The following NRG1 variants were observed in gnomAD, a reference collection of about 807,000 sequenced individuals.
NRG1 encodes neuregulin 1.
A neutral mutation model predicts 63.8 loss-of-function variants in NRG1; 18 were observed. The observed-to-expected ratio is 0.28, with a 90% CI of 0.19 to 0.42. The LOEUF (loss-of-function observed/expected upper bound fraction) is 0.42. Among genes scored for constraint, NRG1 ranks in the 10% least tolerant of loss-of-function variants. The probability of loss-of-function intolerance (pLI) is 1.00; values close to 1 mark genes in which losing one functional copy is unlikely to be tolerated. For synonymous variants in NRG1, 302 were observed against 301.3 expected, an observed-to-expected ratio of 1.00 and a Z score of -0.02; for missense variants, 762 against 814.7, an observed-to-expected ratio of 0.94 and a Z score of 0.79.
chr8:31,740,965 A>G (rs1815212292), intron 1 of NRG1, among the ~76,000 whole-genome samples: 1 of 152,086 alleles, frequency 6.6e-6, no homozygotes, highest in Non-Finnish European at 1.5e-5. Context: ...CATGGAAATC[A>G]GCCTAGGGCC....
chr8:32,595,935 T>G, exon 2 of NRG1: 1 of 1,614,028 alleles, frequency 6.2e-7, no homozygotes, highest in Non-Finnish European at 8.5e-7. Flanking sequence ...CAGATTCAAG[T>G]GGTTCAAGAA....
chr8:32,355,962 C>T (rs575140326), intron 1 of NRG1, among the ~76,000 whole-genome samples: 11 of 152,004 alleles, frequency 7.2e-5, no homozygotes, highest in Admixed American at 1.3e-4. Flanking sequence ...TGTGCACGTG[C>T]GCGTGTGTGT....
At chr8:32,610,863 G>A (rs1846257538) in intron 3 of NRG1, among the ~76,000 whole-genome samples, 1 of 152,220 alleles carries the variant, frequency 6.6e-6, no homozygotes, top group South Asian at 2.1e-4. Context: ...TAACTTATGA[G>A]TGAATTCCTT....
At chr8:32,558,934 G>A (rs1235199984) in intron 1 of NRG1, among the ~76,000 whole-genome samples, 1 of 151,730 alleles carries the variant, frequency 6.6e-6, no homozygotes, top group Non-Finnish European at 1.5e-5. Flanking sequence ...CAAAAAGTTA[G>A]CCGGGCAAGG....
chr8:32,648,542 G>A (rs962935126), intron 5 of NRG1, among the ~76,000 whole-genome samples: 1 of 152,128 alleles, frequency 6.6e-6, no homozygotes, highest in Non-Finnish European at 1.5e-5. Flanking sequence ...TTGAAGGGCC[G>A]AGTAAAATGA....
chr8:31,852,052 AG>A (rs1827289825), intron 1 of NRG1, among the ~76,000 whole-genome samples: 2 of 150,228 alleles, frequency 1.3e-5, no homozygotes, highest in African/African-American at 4.9e-5. Flanking sequence ...TATTGTGAAT[AG>A]TGCCGCAATA....
intron 1 of NRG1, among the ~76,000 whole-genome samples, chr8:31,819,254 A>C (rs1484953696): frequency 7.4e-6 from 1 of 134,654 alleles, no homozygotes; most frequent in Admixed American, 7.2e-5. Flanking sequence ...AATAAAATAA[A>C]TTCGGAAAGA....
intron 1 of NRG1, among the ~76,000 whole-genome samples, chr8:32,327,699 A>C (rs1802171369): frequency 6.6e-6 from 1 of 152,198 alleles, no homozygotes; most frequent in Admixed American, 6.5e-5. Context: ...TCTAGGAAGC[A>C]CAGTGGAATT....
At chr8:32,299,279 A>C (rs1434917912) in intron 1 of NRG1, among the ~76,000 whole-genome samples, 1 of 152,142 alleles carries the variant, frequency 6.6e-6, no homozygotes, top group Non-Finnish European at 1.5e-5. Context: ...TAAAAACAGA[A>C]AGCAAAAACA....
At chr8:31,773,171 A>G (rs1043634088) in intron 1 of NRG1, among the ~76,000 whole-genome samples, 5 of 152,210 alleles carry the variant, frequency 3.3e-5, no homozygotes, top group Non-Finnish European at 5.9e-5. Flanking sequence ...GATGGGTAAA[A>G]GAAAGTAAAT....
intron 1 of NRG1, among the ~76,000 whole-genome samples, chr8:31,676,321 A>T (rs548807514): frequency 3.3e-5 from 5 of 152,146 alleles, no homozygotes; most frequent in African/African-American, 7.2e-5. Context: ...CAAAGACCCA[A>T]CAATATTTCC....
chr8:31,664,957 T>C (rs1806373949), intron 1 of NRG1, among the ~76,000 whole-genome samples: 2 of 152,180 alleles, frequency 1.3e-5, no homozygotes, highest in Admixed American at 6.5e-5. Context: ...TGGCAAAATG[T>C]CAAATGAACA....
chr8:31,852,062 T>A (rs1041796308), intron 1 of NRG1, among the ~76,000 whole-genome samples: 1 of 150,940 alleles, frequency 6.6e-6, no homozygotes, highest in Non-Finnish European at 1.5e-5. Context: ...AGTGCCGCAA[T>A]AAACATACGT....
chr8:32,749,978 A>T (rs1056938904), intron 7 of NRG1: 13 of 192,882 alleles, frequency 6.7e-5, no homozygotes, highest in Non-Finnish European at 1.4e-4. Context: ...TTTTAAATCC[A>T]TCTGCTTAAA....
chr8:31,797,569 A>G (rs184477657), intron 1 of NRG1, among the ~76,000 whole-genome samples: 20 of 152,370 alleles, frequency 1.3e-4, no homozygotes, highest in African/African-American at 4.6e-4. Context: ...TCAAAAGGCT[A>G]AAAATAGAAC....
chr8:32,039,828 G>A (rs1819651805), intron 1 of NRG1, among the ~76,000 whole-genome samples: 1 of 151,696 alleles, frequency 6.6e-6, no homozygotes, highest in Admixed American at 6.6e-5. Context: ...AGACCAGCCT[G>A]GGCCATAAAC....
chr8:32,147,446 A>T (rs58254935), intron 1 of NRG1, among the ~76,000 whole-genome samples: 2,011 of 152,352 alleles, frequency 0.013, 54 homozygotes, highest in African/African-American at 0.045. Context: ...GAAAATGTAT[A>T]GGTGTATTGA....
At chr8:32,720,736 A>G (rs185799037) in intron 5 of NRG1, among the ~76,000 whole-genome samples, 46 of 152,190 alleles carry the variant, frequency 3.0e-4, no homozygotes, top group African/African-American at 1.1e-3. Flanking sequence ...TATCATTGAG[A>G]TGTTTCTCCT....
At chr8:32,121,733 G>C (rs1833478559) in intron 1 of NRG1, among the ~76,000 whole-genome samples, 1 of 151,954 alleles carries the variant, frequency 6.6e-6, no homozygotes, top group Non-Finnish European at 1.5e-5. Context: ...GAGAAAGAGA[G>C]AGAATTCTGC....
Sources: allele counts gnomAD v4.1 joint callset (sites outside exome capture counted in the v4.1 genomes callset), GRCh38; gene constraint gnomAD v4.1.1; transcripts MANE v1.5; gene names NCBI Gene and HGNC (gene_info 2026-07-23, HGNC 2026-07-21).